The following LINGO2 variants were observed in gnomAD, a reference collection of about 807,000 sequenced individuals.
LINGO2 encodes the protein leucine rich repeat and Ig domain containing 2.
A neutral mutation model predicts 30.6 loss-of-function variants in LINGO2; 14 were observed. That is an observed-to-expected ratio of 0.46 (90% CI 0.30 to 0.72). The LOEUF (loss-of-function observed/expected upper bound fraction) is 0.72, where lower values mean the gene tolerates loss of function less well. Ranked by LOEUF, LINGO2 falls within the 30% of genes least tolerant of loss-of-function variation. The probability of loss-of-function intolerance (pLI) is 0.07; values close to 1 mark genes in which losing one functional copy is unlikely to be tolerated. For missense variants in LINGO2, 729 were observed against 751.7 expected (o/e 0.97, Z 0.35); for synonymous variants, 317 against 288.5 (o/e 1.10, Z -1.00).
chr9:28,055,701 C>T (rs1420626035), intron 4 of LINGO2, among the ~76,000 whole-genome samples: 1 of 152,118 alleles, frequency 6.6e-6, no homozygotes, highest in African/African-American at 2.4e-5. Context: ...TGTTAACTAC[C>T]TGTTACTTAA....
chr9:28,320,664 A>C (rs1825007500), intron 3 of LINGO2, among the ~76,000 whole-genome samples: 1 of 152,174 alleles, frequency 6.6e-6, no homozygotes, highest in Non-Finnish European at 1.5e-5. Flanking sequence ...TATATAGTAC[A>C]GTTTAATGAC....
At chr9:29,132,695 A>G in the LINGO2 span, among the ~76,000 whole-genome samples, 1 of 152,108 alleles carries the variant, frequency 6.6e-6, no homozygotes, top group Non-Finnish European at 1.5e-5. Flanking sequence ...ATTTTGTCCA[A>G]TTCTCTGTTG....
intron 4 of LINGO2, among the ~76,000 whole-genome samples, chr9:28,143,700 A>C (rs916013146): frequency 1.4e-5 from 2 of 139,958 alleles, no homozygotes; most frequent in Non-Finnish European, 2.9e-5. Context: ...ACAAACATGT[A>C]TAAATAGAAG....
At chr9:28,157,901 A>G (rs922036418) in intron 4 of LINGO2, among the ~76,000 whole-genome samples, 2 of 152,182 alleles carry the variant, frequency 1.3e-5, no homozygotes, top group Non-Finnish European at 2.9e-5. Context: ...TATCAATATC[A>G]GCATTTTGGT....
intron 4 of LINGO2, among the ~76,000 whole-genome samples, chr9:28,150,848 C>T (rs1827978711): frequency 1.3e-5 from 2 of 152,154 alleles, no homozygotes; most frequent in Admixed American, 6.5e-5. Flanking sequence ...CATAGTTAGT[C>T]GCTTCCTAAG....
rs139293679 is a variant in LINGO2 at position 28,426,730 on chromosome 9, T to C, written c.-279+49210A>G. Among the ~76,000 whole-genome samples, 7 of 152,156 alleles carry C rather than the reference T, an allele frequency of 4.6e-5. No individual in the cohort carries two copies. The South Asian group carries it at 8.3e-4, about 18-fold the overall frequency. ...CCAAGAGGATGGAGCTCAATAGATA[T>C]AGTCTAAGGTTGTTTAAAGGGAAAT... On this transcript the variant is annotated intron_variant, in intron 2 of 5. Transcript: ENST00000379992.
chr9:28,066,073 C>T (rs931779272), intron 4 of LINGO2, among the ~76,000 whole-genome samples: 8 of 151,988 alleles, frequency 5.3e-5, no homozygotes, highest in African/African-American at 9.7e-5. Flanking sequence ...GTCCTGTACA[C>T]GGCTGCAGCG....
At chr9:28,573,481 T>C (rs73441485) in intron 1 of LINGO2, among the ~76,000 whole-genome samples, 10,061 of 152,194 alleles carry the variant, frequency 0.066, 459 homozygotes, top group African/African-American at 0.13. Context: ...TGTAATTATG[T>C]TTTTAATTAA....
the LINGO2 span, among the ~76,000 whole-genome samples, chr9:28,854,205 G>A: frequency 1.9e-4 from 29 of 151,972 alleles, no homozygotes; most frequent in South Asian, 2.1e-3. Context: ...ATGCCATGGC[G>A]GAGAAACTGT....
chr9:28,858,920 C>T, the LINGO2 span, among the ~76,000 whole-genome samples: 1 of 151,966 alleles, frequency 6.6e-6, no homozygotes, highest in Non-Finnish European at 1.5e-5. Context: ...TTTCCCCTTG[C>T]GTGTTGCAAA....
chr9:28,941,500 G>T, the LINGO2 span, among the ~76,000 whole-genome samples: 1 of 151,940 alleles, frequency 6.6e-6, no homozygotes, highest in Non-Finnish European at 1.5e-5. Context: ...AGCCCCTTTT[G>T]CAACTAGGCA....
chr9:28,141,535 A>G (rs951546337), intron 4 of LINGO2, among the ~76,000 whole-genome samples: 19 of 152,338 alleles, frequency 1.2e-4, no homozygotes, highest in Admixed American at 1.0e-3. Context: ...ATTGATTTTT[A>G]TTACTAACTT....
the LINGO2 span, among the ~76,000 whole-genome samples, chr9:28,802,652 A>C: frequency 1.1e-4 from 17 of 152,098 alleles, no homozygotes; most frequent in African/African-American, 3.6e-4. Context: ...GTTACCCACC[A>C]GCCAACTTAA....
chr9:28,981,918 C>G, the LINGO2 span, among the ~76,000 whole-genome samples: 2 of 152,118 alleles, frequency 1.3e-5, no homozygotes, highest in Non-Finnish European at 2.9e-5. Flanking sequence ...ATTTGGAAAC[C>G]CAGATGTGAT....
chr9:28,760,928 G>A, the LINGO2 span, among the ~76,000 whole-genome samples: 147 of 57,270 alleles, frequency 2.6e-3, 2 homozygotes, highest in East Asian at 0.043. Context: ...GTGTGTGTGT[G>A]TGTGTATATA....
At chr9:28,665,454 A>C (rs1211408686) in intron 1 of LINGO2, among the ~76,000 whole-genome samples, 1 of 152,146 alleles carries the variant, frequency 6.6e-6, no homozygotes, top group Non-Finnish European at 1.5e-5. Flanking sequence ...ATAAGTTAAA[A>C]ATAAATGAGT....
At chr9:29,173,124 T>C in the LINGO2 span, among the ~76,000 whole-genome samples, 1 of 152,060 alleles carries the variant, frequency 6.6e-6, no homozygotes, top group Admixed American at 6.6e-5. Flanking sequence ...AGAAAAGTTA[T>C]GCAATTATCT....
At chr9:28,109,555 T>A (rs1361831434) in intron 4 of LINGO2, among the ~76,000 whole-genome samples, 2 of 152,136 alleles carry the variant, frequency 1.3e-5, no homozygotes, top group Non-Finnish European at 2.9e-5. Flanking sequence ...AGTCTCAGGA[T>A]ACAAAATCAA....
chr9:28,353,904 C>G (rs1277906103), intron 3 of LINGO2, among the ~76,000 whole-genome samples: 26 of 151,990 alleles, frequency 1.7e-4, no homozygotes, highest in Non-Finnish European at 3.1e-4. Flanking sequence ...ATCGCAAGAA[C>G]AAAAATCCAA....
Sources: allele counts gnomAD v4.1 joint callset (sites outside exome capture counted in the v4.1 genomes callset), GRCh38; gene constraint gnomAD v4.1.1; transcripts MANE v1.5; gene names NCBI Gene and HGNC (gene_info 2026-07-23, HGNC 2026-07-21).